Variants in KLF7 observed in about 807,000 individuals in gnomAD.
KLF7 encodes the protein KLF transcription factor 7.
Under a neutral mutation model 27.3 loss-of-function variants are expected in KLF7, and 2 were observed. The observed-to-expected ratio is 0.07, with a 90% CI of 0.03 to 0.23. The LOEUF (loss-of-function observed/expected upper bound fraction) is 0.23, where lower values mean the gene tolerates loss of function less well. Ranked by LOEUF, KLF7 falls within the 10% of genes least tolerant of loss-of-function variation. The probability of loss-of-function intolerance (pLI) is 1.00; values close to 1 mark genes in which losing one functional copy is unlikely to be tolerated. For missense variants in KLF7, 221 were observed against 394.1 expected (o/e 0.56, Z 3.72); for synonymous variants, 165 against 162.4 (o/e 1.02, Z -0.12).
chr2:207,105,129 G>C (rs1201216887), intron 2 of KLF7, among the ~76,000 whole-genome samples: 2 of 152,110 alleles, frequency 1.3e-5, no homozygotes, highest in Non-Finnish European at 2.9e-5. Flanking sequence ...AAAAAAATCG[G>C]TGTCACTTAA....
At chr2:207,134,131 A>G in intron 1 of KLF7, 1 of 1,514,986 alleles carries the variant, frequency 6.6e-7, no homozygotes, top group Non-Finnish European at 8.8e-7. Context: ...AATCACTTGC[A>G]CAGGCTGACT....
chr2:207,163,933 T>C (rs924607865), intron 1 of KLF7, among the ~76,000 whole-genome samples: 1 of 152,246 alleles, frequency 6.6e-6, no homozygotes, highest in East Asian at 1.9e-4. Context: ...AAAGGATGCA[T>C]TGAAGAAAGA....
chr2:207,120,445 C>T (rs1289375363), intron 2 of KLF7, among the ~76,000 whole-genome samples: 1 of 152,194 alleles, frequency 6.6e-6, no homozygotes, highest in Non-Finnish European at 1.5e-5. Context: ...CACTGTATCT[C>T]CTTTGCAATG....
Position 207,074,217 on chromosome 2 carries a change from C to T in KLF7, c.*6996G>A, listed in dbSNP as rs1051322676. ...TAGAGGTTATTCACCACCGTATCCA[C>T]TTCTGTAAGTCCAAAGAATGCAAAG... On this transcript the variant is annotated 3_prime_UTR_variant, in exon 4 of 4. Transcript: ENST00000309446. The T allele has an allele frequency of 2.6e-5, 4 of 152,196 alleles. No individual in the cohort carries two copies. The highest frequency in any genetic ancestry group is 9.7e-5 in the African/African-American group (4 of 41,448). The allele number at this position is 152,196 out of a possible 1,614,324, so 9.4% of individuals were successfully genotyped here.
intron 2 of KLF7, among the ~76,000 whole-genome samples, chr2:207,106,278 G>A (rs2076881164): frequency 6.6e-6 from 1 of 152,162 alleles, no homozygotes; most frequent in Non-Finnish European, 1.5e-5. Context: ...AATGGAGAAT[G>A]GGCTGCCAAA....
At chr2:207,148,899 C>T (rs2078168510) in intron 1 of KLF7, 2 of 518,294 alleles carry the variant, frequency 3.9e-6, no homozygotes, top group Non-Finnish European at 5.1e-6. Context: ...GGGCAGGGAT[C>T]TCCTATCACC....
intron 1 of KLF7, among the ~76,000 whole-genome samples, chr2:207,147,041 C>A (rs1311009978): frequency 1.3e-5 from 2 of 152,170 alleles, no homozygotes; most frequent in East Asian, 3.8e-4. Flanking sequence ...AATCCAGTTT[C>A]ATTAATAATA....
At chr2:207,126,986 G>C (rs190642943) in intron 1 of KLF7, among the ~76,000 whole-genome samples, 2 of 152,118 alleles carry the variant, frequency 1.3e-5, no homozygotes, top group South Asian at 4.2e-4. Flanking sequence ...CTAAGATATT[G>C]TGATTATTAG....
At position 207,123,910 on chromosome 2, in the gene KLF7, G is replaced by A. The variant is rs745532335; in HGVS notation, c.597C>T (p.Ser199=). ...CCCCCAGCCCTCCTTGGTCACTGTCGCTCTGTCCACTCTTAACGGCCCCCG... is the reference window on the plus strand; with the variant it reads ...CCCCCAGCCCTCCTTGGTCACTGTCACTCTGTCCACTCTTAACGGCCCCCG... ...TAAGAVKSGQ[S]DSDQGGLGAE... The change falls in exon 2 of 4, where the codon AGC becomes AGT. Residue 199 remains serine (S), a synonymous_variant. Coordinates refer to ENST00000309446, the MANE Select transcript of KLF7 (RefSeq NM_003709.4). 9.3e-6 allele frequency: 15 copies of A among 1,613,750 alleles called. No individual in the cohort carries two copies. Among genetic ancestry groups the A allele is most frequent in the African/African-American group, 4.0e-5 (3 of 74,890 alleles).
At chr2:207,149,233 C>T in intron 1 of KLF7, 1 of 1,044,938 alleles carries the variant, frequency 9.6e-7, no homozygotes, top group Non-Finnish European at 1.3e-6. Context: ...CTGTTAAAAG[C>T]AACACCCCCA....
At chr2:207,091,304 T>C (rs1305088814) in intron 2 of KLF7, among the ~76,000 whole-genome samples, 2 of 152,244 alleles carry the variant, frequency 1.3e-5, no homozygotes, top group African/African-American at 4.8e-5. Context: ...TCTTAGTTAC[T>C]TCCCAGTACA....
intron 1 of KLF7, among the ~76,000 whole-genome samples, chr2:207,157,657 G>C (rs924083732): frequency 2.6e-5 from 4 of 152,228 alleles, no homozygotes; most frequent in African/African-American, 9.6e-5. Context: ...AAAAAGGCAA[G>C]TCCAGGGAGG....
chr2:207,145,343 TTTTAATGAA>T, intron 1 of KLF7, among the ~76,000 whole-genome samples: 1 of 152,378 alleles, frequency 6.6e-6, no homozygotes, highest in Admixed American at 6.5e-5. Context: ...TGAGAGTTTC[TTTTAATGAA>T]CCTTTAAACA....
intron 2 of KLF7, among the ~76,000 whole-genome samples, chr2:207,094,121 T>G (rs971705915): frequency 2.6e-5 from 4 of 152,244 alleles, no homozygotes; most frequent in Admixed American, 2.6e-4. Context: ...ATATGTCAAA[T>G]GTACTGTGCT....
chr2:207,102,125 TTCACACAC>T (rs1014520898), intron 2 of KLF7, among the ~76,000 whole-genome samples: 2 of 121,228 alleles, frequency 1.6e-5, no homozygotes, highest in African/African-American at 3.0e-5. Flanking sequence ...TACATTCACA[TTCACACAC>T]ACACACACAC....
intron 2 of KLF7, among the ~76,000 whole-genome samples, chr2:207,106,153 T>C (rs1482414161): frequency 6.6e-6 from 1 of 152,214 alleles, no homozygotes; most frequent in Non-Finnish European, 1.5e-5. Flanking sequence ...GAAAGTGGTC[T>C]TAAGAGATCA....
upstream of KLF7, among the ~76,000 whole-genome samples, chr2:207,169,331 TGA>T (rs2078770330): frequency 6.6e-6 from 1 of 152,182 alleles, no homozygotes; most frequent in African/African-American, 2.4e-5. Flanking sequence ...ATTTAATATG[TGA>T]ATACACACAT....
intron 2 of KLF7, among the ~76,000 whole-genome samples, chr2:207,102,174 C>G (rs1458989398): frequency 6.6e-6 from 1 of 151,538 alleles, no homozygotes; most frequent in Non-Finnish European, 1.5e-5. Flanking sequence ...CCCTCCCCCC[C>G]AATCTGCAAA....
rs751551147 is a variant in KLF7, at chr2:207,165,613, C to T, written c.-45G>A. The T allele has an allele frequency of 6.2e-7, 1 of 1,612,008 alleles. No individual in the cohort carries two copies. The highest frequency in any genetic ancestry group is 8.5e-7 in the Non-Finnish European group (1 of 1,179,912). ...ACGGGAGGCGAAACCCTCCCCCGAA[C>T]ACAGTTGGGGCTGTTTGTTTGTCAG... On this transcript the variant is annotated 5_prime_UTR_variant, in exon 1 of 4. Coordinates refer to ENST00000309446, the MANE Select transcript of KLF7 (RefSeq NM_003709.4).
Sources: allele counts gnomAD v4.1 joint callset (sites outside exome capture counted in the v4.1 genomes callset), GRCh38; gene constraint gnomAD v4.1.1; transcripts MANE v1.5; gene names NCBI Gene and HGNC (gene_info 2026-07-23, HGNC 2026-07-21).